ESRRB: variants seen among roughly 807,000 people sequenced by gnomAD.
ESRRB encodes estrogen related receptor beta.
A neutral mutation model predicts 46.0 loss-of-function variants in ESRRB; 16 were observed. That is an observed-to-expected ratio of 0.35 (90% CI 0.24 to 0.53). The LOEUF is 0.53. Ranked by LOEUF, ESRRB falls within the 20% of genes least tolerant of loss-of-function variation. The pLI, the probability that ESRRB is intolerant of heterozygous loss-of-function variation, is 0.93. For missense variants in ESRRB, 488 were observed against 607.4 expected (o/e 0.80, Z 2.07); for synonymous variants, 246 against 259.6 (o/e 0.95, Z 0.50).
At chr14:76,459,097 G>T (rs1888744271) in intron 2 of ESRRB, among the ~76,000 whole-genome samples, 1 of 152,066 alleles carries the variant, frequency 6.6e-6, no homozygotes, top group Non-Finnish European at 1.5e-5. Context: ...TGACTGCCTG[G>T]GCCTCCCAAA....
intron 5 of ESRRB, among the ~76,000 whole-genome samples, chr14:76,484,843 G>A (rs538981701): frequency 2.6e-5 from 4 of 152,198 alleles, no homozygotes; most frequent in East Asian, 1.9e-4. Context: ...TGAATTTTTC[G>A]GAGCTTCAGT....
chr14:76,331,720 G>A (rs998504878), intron 1 of ESRRB, among the ~76,000 whole-genome samples: 2 of 151,866 alleles, frequency 1.3e-5, no homozygotes, highest in Non-Finnish European at 2.9e-5. Context: ...GTGACCAGGA[G>A]GCCAAGGCCC....
intron 3 of ESRRB, among the ~76,000 whole-genome samples, chr14:76,463,784 T>C (rs1470533174): frequency 6.6e-6 from 1 of 152,022 alleles, no homozygotes; most frequent in East Asian, 1.9e-4. Flanking sequence ...ACTAGAAAAT[T>C]TGAAATGACA....
chr14:76,473,646 G>A (rs762556981), intron 3 of ESRRB, among the ~76,000 whole-genome samples: 10 of 152,208 alleles, frequency 6.6e-5, no homozygotes, highest in Non-Finnish European at 1.3e-4. Flanking sequence ...TTTTACTTCC[G>A]AAAGACTGGG....
Position 76,376,463 on chromosome 14 carries a change from G to A in ESRRB, c.50+12G>A. The A allele has an allele frequency of 8.1e-7, 1 of 1,231,578 alleles. No homozygotes were observed. The highest frequency in any genetic ancestry group is 1.0e-6 in the Non-Finnish European group (1 of 987,824). The allele number at this position is 1,231,578 out of a possible 1,614,324, so 76.3% of individuals were successfully genotyped here. A position where few individuals can be genotyped will look rare whatever the true frequency, so the allele number is the denominator to read the frequency against. On this transcript the variant is annotated intron_variant, in intron 1 of 6. Transcript: ENST00000644823. This position sits in a 1 kb window ranked among gnomAD's most constrained non-coding sequence, Gnocchi z 4.1. Reference sequence around the variant, plus strand: ...GGCTACCACAACCAGTAGGTGCCCTGCTTCTCGGTCTGTCTGTCCTTCTGC... The same window carrying A: ...GGCTACCACAACCAGTAGGTGCCCTACTTCTCGGTCTGTCTGTCCTTCTGC...
rs1237809222 is a variant in ESRRB, at chr14:76,482,359, C to T, written c.688+233C>T. On this transcript the variant is annotated intron_variant, in intron 4 of 6. Transcript: ENST00000644823. The surrounding 1 kb of genome is among the most constrained non-coding windows in gnomAD (Gnocchi z 4.3). ...TCCCCTTGCCACCCACCCAAAGTTGCTCTGCAGGTTCCTCCTGGAGAATTC... is the reference window on the plus strand; with the variant it reads ...TCCCCTTGCCACCCACCCAAAGTTGTTCTGCAGGTTCCTCCTGGAGAATTC... Among the ~76,000 whole-genome samples, 1 of 152,196 alleles carries T rather than the reference C, an allele frequency of 6.6e-6. No homozygotes were observed.
upstream of ESRRB, among the ~76,000 whole-genome samples, chr14:76,370,392 C>G (rs1473145009): frequency 6.6e-6 from 1 of 151,600 alleles, no homozygotes; most frequent in East Asian, 1.9e-4. Context: ...GAGTGAAACT[C>G]TGTCTCAAAA....
chr14:76,363,932 T>C (rs1042207006), intron 1 of ESRRB, among the ~76,000 whole-genome samples: 6 of 152,134 alleles, frequency 3.9e-5, no homozygotes, highest in Non-Finnish European at 1.5e-5. Flanking sequence ...AGAGCTTCAA[T>C]TTTCTCCTCA....
intron 1 of ESRRB, among the ~76,000 whole-genome samples, chr14:76,419,084 G>A (rs139819149): frequency 9.4e-4 from 142 of 151,730 alleles, no homozygotes; most frequent in African/African-American, 3.1e-3. Context: ...GCACGATCTC[G>A]GCTCACTACA....
chr14:76,484,615 C>G (rs1889932743), intron 5 of ESRRB, among the ~76,000 whole-genome samples: 1 of 152,222 alleles, frequency 6.6e-6, no homozygotes, highest in East Asian at 1.9e-4. Flanking sequence ...ACAACCCCAC[C>G]CCTGCAACAC....
intron 1 of ESRRB, among the ~76,000 whole-genome samples, chr14:76,343,643 C>T (rs1233629259): frequency 6.6e-6 from 1 of 152,214 alleles, no homozygotes; most frequent in Non-Finnish European, 1.5e-5. Context: ...TCCACGTGGG[C>T]CCCTCCACGG....
At chr14:76,377,510 T>TAA in intron 1 of ESRRB, among the ~76,000 whole-genome samples, 1 of 146,360 alleles carries the variant, frequency 6.8e-6, no homozygotes, top group African/African-American at 2.8e-5. Context: ...CTCGGAAGGC[T>TAA]TAATAATAAT....
At position 76,480,666 on chromosome 14, in the gene ESRRB, C is replaced by G. The variant is rs555257115; in HGVS notation, c.578-1350C>G. ...GAAAGGCCTGAATCCGGGGGACTGG[C>G]AGCCAACACTCTGGGGCTGAAGGAT... On this transcript the variant is annotated intron_variant, in intron 3 of 6. Transcript: ENST00000644823. 2.8e-3 allele frequency among the ~76,000 whole-genome samples: 419 copies of G among 152,310 alleles called. 3 individuals are homozygous for G. The highest frequency in any genetic ancestry group is 9.8e-3 in the African/African-American group (406 of 41,558).
intron 1 of ESRRB, among the ~76,000 whole-genome samples, chr14:76,315,277 T>TGCTTGTCA (rs61699426): frequency 3.3e-5 from 5 of 151,438 alleles, no homozygotes; most frequent in African/African-American, 1.2e-4. Flanking sequence ...CCCTGTGCTA[T>TGCTTGTCA]GCTTCTGTGT....
chr14:76,354,219 T>C (rs1595052869), intron 1 of ESRRB, among the ~76,000 whole-genome samples: 12 of 56,024 alleles, frequency 2.1e-4, no homozygotes, highest in Admixed American at 5.3e-4. Flanking sequence ...CAGGGTCCTC[T>C]ACCCGCCCCC....
At chr14:76,346,965 A>C (rs1050412831) in intron 1 of ESRRB, among the ~76,000 whole-genome samples, 1 of 152,180 alleles carries the variant, frequency 6.6e-6, no homozygotes, top group Non-Finnish European at 1.5e-5. Context: ...CCCAACACAC[A>C]TGCTCACAGG....
intron 6 of ESRRB, among the ~76,000 whole-genome samples, chr14:76,496,044 T>C (rs1378034843): frequency 6.6e-6 from 1 of 152,144 alleles, no homozygotes; most frequent in African/African-American, 2.4e-5. Flanking sequence ...AACCTGACCT[T>C]TGTGAGTCTC....
intron 1 of ESRRB, among the ~76,000 whole-genome samples, chr14:76,382,069 C>A (rs1885036581): frequency 2.0e-5 from 3 of 152,148 alleles, no homozygotes; most frequent in African/African-American, 7.2e-5. Flanking sequence ...GCCAATAAAG[C>A]CCCTGTTGTA....
intron 3 of ESRRB, among the ~76,000 whole-genome samples, chr14:76,463,971 G>A (rs1283805046): frequency 6.6e-6 from 1 of 152,178 alleles, no homozygotes; most frequent in Non-Finnish European, 1.5e-5. Flanking sequence ...CTAAAGTGCT[G>A]GGATTACAGG....
Sources: gnomAD v4.1 joint callset for allele counts (sites outside exome capture counted in the v4.1 genomes callset) on GRCh38, gnomAD v4.1.1 for gene constraint, Gnocchi (gnomAD v3.1) non-coding constraint, MANE v1.5 for transcripts, NCBI Gene and HGNC (gene_info 2026-07-23, HGNC 2026-07-21) for gene names.